Variants in RALGDS observed in about 807,000 individuals in gnomAD.
RALGDS encodes ral guanine nucleotide dissociation stimulator.
A neutral mutation model predicts 99.8 loss-of-function variants in RALGDS; 44 were observed. That is an observed-to-expected ratio of 0.44 (90% CI 0.35 to 0.57). RALGDS has a LOEUF of 0.57. Among genes scored for constraint, RALGDS ranks in the 20% least tolerant of loss-of-function variants. The probability of loss-of-function intolerance (pLI) is 0.01; values close to 1 mark genes in which losing one functional copy is unlikely to be tolerated. For synonymous variants in RALGDS, 529 were observed against 505.0 expected, an observed-to-expected ratio of 1.05 and a Z score of -0.64; for missense variants, 1,022 against 1,203.1, an observed-to-expected ratio of 0.85 and a Z score of 2.23.
At chr9:133,126,814 G>A (rs992784589) in intron 1 of RALGDS, among the ~76,000 whole-genome samples, 1 of 152,244 alleles carries the variant, frequency 6.6e-6, no homozygotes, top group East Asian at 1.9e-4. Flanking sequence ...ACGGAGGCGA[G>A]GAGCGATTCC....
At chr9:133,115,152 C>T (rs1831535764) in intron 1 of RALGDS, among the ~76,000 whole-genome samples, 1 of 152,170 alleles carries the variant, frequency 6.6e-6, no homozygotes, top group Admixed American at 6.5e-5. Flanking sequence ...CCCAGCCCTG[C>T]CATCTCCCCG....
chr9:133,112,137 T>A lies in RALGDS; in HGVS notation c.199A>T (p.Ile67Phe), dbSNP rs778761813. 9.6e-6 allele frequency: 15 copies of A among 1,566,252 alleles called. No individual in the cohort carries two copies. ...LPRPESSTQE[I>F]GEELINGVIY... ...ACTCCGTTGATCAGCTCCTCACCGA[T>A]CTCCTGCGTGGAGCTCTGTGAAGAC... The change falls in exon 2 of 18, where the codon ATC becomes TTC. Residue 67 changes from isoleucine to phenylalanine, a missense_variant. Physicochemically the swap from Ile to Phe is conservative, Grantham distance 21. Coordinates refer to ENST00000372050, the MANE Select transcript of RALGDS (RefSeq NM_006266.4).
chr9:133,103,947 G>A, intron 10 of RALGDS, 114 bp from the exon 11 acceptor site: 1 of 1,028,998 alleles, frequency 9.7e-7, no homozygotes. Flanking sequence ...GGCCTCCTGG[G>A]GCCCACTGTC....
In RALGDS at chr9:133,121,192, C is replaced by CA. The variant is rs1405203311; in HGVS notation, c.-39_-38insT. 4 of 892,420 alleles carry CA rather than the reference C, an allele frequency of 4.5e-6. No individual in the cohort carries two copies. In the African/African-American group the frequency reaches 5.5e-5, roughly 12 times the overall value. 55.3% of individuals were successfully genotyped at this position (892,420 alleles called of 1,614,324 possible). On this transcript the variant is annotated 5_prime_UTR_variant, in exon 1 of 18. Coordinates refer to ENST00000372050, the MANE Select transcript of RALGDS (RefSeq NM_006266.4). ...GCGCGGGCGCGGGGCCGGCCCGGCG[C>CA]GCGGCGGGGGCGGCGGCGCGGCCCG...
chr9:133,101,903 G>A (rs746530502), intron 15 of RALGDS, 35 bp downstream of exon 15: 7 of 1,550,876 alleles, frequency 4.5e-6, no homozygotes, highest in Middle Eastern at 1.7e-4. Flanking sequence ...GTGGGGAGAT[G>A]GGAAAGGATA....
In RALGDS at chr9:133,121,008, G is replaced by A; in HGVS notation, c.147C>T (p.Ser49=). The A allele has an allele frequency of 3.3e-6, 5 of 1,498,268 alleles. No homozygotes were observed. The highest frequency in any genetic ancestry group is 1.8e-6 in the Non-Finnish European group (2 of 1,130,726). 92.8% of individuals were successfully genotyped at this position (1,498,268 alleles called of 1,614,324 possible). A position where few individuals can be genotyped will look rare whatever the true frequency, so the allele number is the denominator to read the frequency against. The change falls in exon 1 of 18, where the codon AGC becomes AGT. Residue 49 remains serine, a synonymous_variant. Coordinates refer to ENST00000372050, the MANE Select transcript of RALGDS (RefSeq NM_006266.4). Reference sequence around the variant, plus strand: ...GCAGGTCGGGGTCTAGCTGCGTGAAGCTGTGCAGCACCACCGGGCAGCTGT... The same window carrying A: ...GCAGGTCGGGGTCTAGCTGCGTGAAACTGTGCAGCACCACCGGGCAGCTGT... ...VPDSCPVVLH[S]FTQLDPDLPR...
At chr9:133,113,727 G>A (rs1831461885) in intron 1 of RALGDS, among the ~76,000 whole-genome samples, 2 of 152,200 alleles carry the variant, frequency 1.3e-5, no homozygotes, top group Admixed American at 1.3e-4. Flanking sequence ...AACCACCCGG[G>A]CCTCCTCAGG....
chr9:133,130,969 C>T (rs758884584), exon 1 of RALGDS: 120 of 1,535,378 alleles, frequency 7.8e-5, no homozygotes, highest in Admixed American at 2.6e-4. Context: ...GGAACCTGGC[C>T]GGGTGGATGC....
intron 1 of RALGDS, among the ~76,000 whole-genome samples, chr9:133,119,523 A>G (rs1831800501): frequency 6.6e-6 from 1 of 152,152 alleles, no homozygotes; most frequent in South Asian, 2.1e-4. Context: ...GGTGGGGCTC[A>G]GCTCTGCCTC....
exon 1 of RALGDS, chr9:133,131,109 C>T: frequency 6.9e-7 from 1 of 1,452,650 alleles, no homozygotes; most frequent in Non-Finnish European, 9.0e-7. Context: ...GGCTTCCCGC[C>T]CAGACACTGC....
rs35514711 is a variant in RALGDS at position 133,129,810 on chromosome 9, CTTTTTTTTTTT to C, written c.132+1131_132+1141del. ...ACCCAGGCACGAGATTTCCTTTCTT[CTTTTTTTTTTT>C]TTTTTTTTCCCTGAGATGGAATCTC... On this transcript the variant is annotated intron_variant, in intron 1 of 17. Coordinates refer to the RALGDS transcript ENST00000372062. 4.0e-3 allele frequency among the ~76,000 whole-genome samples: 513 copies of C among 129,658 alleles called. 7 individuals are homozygous for C. The highest frequency in any genetic ancestry group is 0.014 in the African/African-American group (499 of 36,124). The allele number at this position is 129,658 out of a possible 152,430, so 85.1% of individuals were successfully genotyped here.
chr9:133,124,854 C>T (rs1172772224), upstream of RALGDS, among the ~76,000 whole-genome samples: 2 of 152,232 alleles, frequency 1.3e-5, no homozygotes, highest in East Asian at 3.8e-4. Flanking sequence ...GAACGCAGCA[C>T]CACTCACAGT....
At chr9:133,111,864 C>T (rs1831359217) in intron 2 of RALGDS, among the ~76,000 whole-genome samples, 178 bp downstream of exon 2, 1 of 152,162 alleles carries the variant, frequency 6.6e-6, no homozygotes, top group Non-Finnish European at 1.5e-5. Context: ...CTGATGGCTG[C>T]ACACCCGGGG....
At chr9:133,118,293 C>T (rs551937326) in intron 1 of RALGDS, among the ~76,000 whole-genome samples, 1 of 152,312 alleles carries the variant, frequency 6.6e-6, no homozygotes, top group South Asian at 2.1e-4. Flanking sequence ...GGGATTAAAC[C>T]GAAGACCTGC....
At chr9:133,117,367 G>T (rs990279122) in intron 1 of RALGDS, among the ~76,000 whole-genome samples, 2 of 152,196 alleles carry the variant, frequency 1.3e-5, no homozygotes, top group African/African-American at 2.4e-5. Context: ...CTTCTCTCCA[G>T]AGCCCAGGCT....
At chr9:133,118,229 AG>A (rs1387967092) in intron 1 of RALGDS, among the ~76,000 whole-genome samples, 1 of 152,250 alleles carries the variant, frequency 6.6e-6, no homozygotes, top group Admixed American at 6.5e-5. Flanking sequence ...ACACCCACAC[AG>A]GGACAGGCCC....
chr9:133,099,817 C>T (rs1226154275), intron 17 of RALGDS: 1 of 208,526 alleles, frequency 4.8e-6, no homozygotes, highest in East Asian at 1.2e-4. Context: ...TGGTTCTTGA[C>T]ACTTTCCCAG....
chr9:133,115,574 A>G (rs975454338), intron 1 of RALGDS, among the ~76,000 whole-genome samples: 1 of 152,160 alleles, frequency 6.6e-6, no homozygotes, highest in African/African-American at 2.4e-5. Context: ...GGCTCTGCCC[A>G]GCCCCTGGCC....
chr9:133,102,019 G>A lies in RALGDS; in HGVS notation c.2130C>T (p.His710=). 1 of 1,553,904 alleles carries A rather than the reference G, an allele frequency of 6.4e-7. No individual in the cohort carries two copies. The change falls in exon 15 of 18, where the codon CAC becomes CAT. Residue 710 remains histidine, a synonymous_variant. Coordinates refer to ENST00000372050, the MANE Select transcript of RALGDS (RefSeq NM_006266.4). ...SGDIADALSV[H]SAGSSSSDVE... Reference sequence around the variant, plus strand: ...CGTCGGAGCTAGAGGAGCCGGCCGAGTGCACGCTGAGCGCGTCAGCGATGT... The same window carrying A: ...CGTCGGAGCTAGAGGAGCCGGCCGAATGCACGCTGAGCGCGTCAGCGATGT...
Sources: gnomAD v4.1 joint callset for allele counts (sites outside exome capture counted in the v4.1 genomes callset) on GRCh38, gnomAD v4.1.1 for gene constraint, MANE v1.5 for transcripts, NCBI Gene and HGNC (gene_info 2026-07-23, HGNC 2026-07-21) for gene names.